Variants in ARMH4 observed in about 807,000 individuals in gnomAD.
ARMH4 encodes the protein armadillo-like helical domain-containing protein 4.
Under a neutral mutation model 61.9 loss-of-function variants are expected in ARMH4, and 49 were observed. The ratio of observed to expected loss-of-function variants is 0.79; its 90% CI spans 0.63 to 1.00. The LOEUF (loss-of-function observed/expected upper bound fraction) is 1.00. Ranked by LOEUF, ARMH4 falls within the 50% of genes least tolerant of loss-of-function variation. ARMH4 has a pLI of 0.00. For missense variants in ARMH4, 934 were observed against 930.0 expected, an observed-to-expected ratio of 1.00 and a Z score of -0.06; for synonymous variants, 368 against 341.5, an observed-to-expected ratio of 1.08 and a Z score of -0.85.
At chr14:58,070,171 A>AG (rs1884839478) in intron 5 of ARMH4, among the ~76,000 whole-genome samples, 1 of 152,176 alleles carries the variant, frequency 6.6e-6, no homozygotes. Context: ...TTAGACAATG[A>AG]GGGTTCCCAA....
chr14:58,116,889 A>G (rs1042405656), intron 4 of ARMH4, among the ~76,000 whole-genome samples: 2 of 152,134 alleles, frequency 1.3e-5, no homozygotes, highest in African/African-American at 4.8e-5. Context: ...TCTTCTATAA[A>G]TCCTGCCCCA....
intron 5 of ARMH4, among the ~76,000 whole-genome samples, chr14:58,043,406 G>A (rs554461831): frequency 2.4e-4 from 36 of 152,062 alleles, no homozygotes; most frequent in African/African-American, 7.5e-4. Context: ...ATTCAACAAC[G>A]CTTCATGCTA....
intron 5 of ARMH4, among the ~76,000 whole-genome samples, chr14:58,081,584 T>C (rs1018941344): frequency 4.6e-5 from 7 of 151,838 alleles, no homozygotes; most frequent in South Asian, 4.2e-4. Context: ...CACTGCAAGC[T>C]CCGCCTCCCA....
chr14:58,012,059 T>C (rs1269322835), intron 6 of ARMH4, 60 bp downstream of exon 6: 5 of 1,194,168 alleles, frequency 4.2e-6, no homozygotes, highest in Middle Eastern at 1.9e-4. Flanking sequence ...TGAAGATCTT[T>C]TGCTTAATAA....
chr14:58,104,857 A>G (rs1297005099), intron 4 of ARMH4, among the ~76,000 whole-genome samples: 1 of 152,212 alleles, frequency 6.6e-6, no homozygotes, highest in Non-Finnish European at 1.5e-5. Context: ...ATGTATAAAC[A>G]ATGAGATAGA....
intron 7 of ARMH4, 40 bp from the exon 8 acceptor site, chr14:58,004,844 C>A: frequency 6.3e-7 from 1 of 1,583,792 alleles, no homozygotes; most frequent in Non-Finnish European, 8.7e-7. Context: ...CTCTTTCTGC[C>A]ACAGAGCAAA....
intron 5 of ARMH4, among the ~76,000 whole-genome samples, chr14:58,066,464 A>C (rs1250750665): frequency 6.6e-6 from 1 of 152,176 alleles, no homozygotes. Context: ...TGGGGTGATG[A>C]AATTGTCTTG....
At chr14:58,025,357 G>T (rs952272851) in intron 5 of ARMH4, among the ~76,000 whole-genome samples, 1 of 152,016 alleles carries the variant, frequency 6.6e-6, no homozygotes, top group Non-Finnish European at 1.5e-5. Context: ...GATTCCTTAG[G>T]TTCCCATTGA....
At chr14:58,141,121 T>C (rs1370295723) in intron 1 of ARMH4, among the ~76,000 whole-genome samples, 1 of 152,188 alleles carries the variant, frequency 6.6e-6, no homozygotes, top group Non-Finnish European at 1.5e-5. Context: ...GCAGCCCAAA[T>C]GGACTAAGAA....
chr14:58,031,706 CA>C (rs1187198631), intron 5 of ARMH4, among the ~76,000 whole-genome samples: 4 of 152,182 alleles, frequency 2.6e-5, no homozygotes, highest in Non-Finnish European at 5.9e-5. Flanking sequence ...GATACACTAA[CA>C]AATTGAAATT....
chr14:58,073,719 C>T (rs560861988), intron 5 of ARMH4, among the ~76,000 whole-genome samples: 4 of 152,266 alleles, frequency 2.6e-5, no homozygotes, highest in Non-Finnish European at 5.9e-5. Context: ...TTTGTTTAAG[C>T]AGATCAAAGA....
At chr14:58,106,334 A>C (rs1275159344) in intron 4 of ARMH4, among the ~76,000 whole-genome samples, 19 of 152,232 alleles carry the variant, frequency 1.2e-4, no homozygotes, top group Admixed American at 1.2e-3. Flanking sequence ...GATGTCAGCC[A>C]AAACCCTAAC....
At chr14:58,068,827 T>C (rs951716506) in intron 5 of ARMH4, among the ~76,000 whole-genome samples, 9 of 151,944 alleles carry the variant, frequency 5.9e-5, no homozygotes, top group Non-Finnish European at 1.3e-4. Context: ...GGCAACATGG[T>C]GAAACCCCAT....
intron 1 of ARMH4, among the ~76,000 whole-genome samples, chr14:58,151,778 C>T (rs1357557962): frequency 2.0e-5 from 3 of 152,242 alleles, no homozygotes; most frequent in African/African-American, 7.2e-5. Flanking sequence ...AGCACAAAGG[C>T]CGGCTCGCTG....
intron 5 of ARMH4, among the ~76,000 whole-genome samples, chr14:58,089,407 A>C (rs1331183868): frequency 6.6e-6 from 1 of 152,192 alleles, no homozygotes; most frequent in Non-Finnish European, 1.5e-5. Flanking sequence ...AAGAGAAGAG[A>C]GTGCTGACAT....
chr14:58,019,823 A>C (rs1230892602), intron 5 of ARMH4, among the ~76,000 whole-genome samples: 4 of 152,128 alleles, frequency 2.6e-5, no homozygotes, highest in African/African-American at 9.7e-5. Context: ...ATTTAAAAAA[A>C]TAAAATAACA....
At chr14:58,115,760 AT>A (rs1406916458) in intron 4 of ARMH4, among the ~76,000 whole-genome samples, 1 of 152,192 alleles carries the variant, frequency 6.6e-6, no homozygotes, top group East Asian at 1.9e-4. Flanking sequence ...CTATGCCATA[AT>A]ATGGATGTAC....
chr14:58,091,851 T>C (rs1885575883), intron 5 of ARMH4, among the ~76,000 whole-genome samples: 2 of 152,190 alleles, frequency 1.3e-5, no homozygotes, highest in South Asian at 4.1e-4. Context: ...AATCAAAACA[T>C]GGAACTTTCA....
In ARMH4 at chr14:58,008,786, C is replaced by T. The variant is rs552816867; in HGVS notation, c.2121+3333G>A. The stretch of plus-strand genomic sequence containing the variant: ...CAAGCTCCAGGTGATGCTGATGCTG[C>T]TAGTCCAGACCATACATTGAGAATC... On this transcript the variant is annotated intron_variant, in intron 6 of 7. Transcript: ENST00000267485. Among the ~76,000 whole-genome samples the T allele has an allele frequency of 3.3e-5, 5 of 152,310 alleles. 1 individual carries two copies. The highest frequency in any genetic ancestry group is 1.2e-4 in the African/African-American group (5 of 41,572).
Sources: allele counts gnomAD v4.1 joint callset (sites outside exome capture counted in the v4.1 genomes callset), GRCh38; gene constraint gnomAD v4.1.1; transcripts MANE v1.5; gene names NCBI Gene and HGNC (gene_info 2026-07-23, HGNC 2026-07-21).